FBXL13: variants seen among roughly 807,000 people sequenced by gnomAD.
FBXL13 encodes F-box and leucine rich repeat protein 13.
In FBXL13, 67 loss-of-function variants were observed where a neutral mutation model predicts 83.6. That is an observed-to-expected ratio of 0.80 (90% confidence interval 0.66 to 0.98). The LOEUF (loss-of-function observed/expected upper bound fraction) is 0.98, where lower values mean the gene tolerates loss of function less well. Among genes scored for constraint, FBXL13 ranks in the 50% least tolerant of loss-of-function variants. The pLI is 0.00. For synonymous variants in FBXL13, 272 were observed against 299.5 expected (o/e 0.91, Z 0.95); for missense variants, 822 against 866.5 (o/e 0.95, Z 0.64).
chr7:103,029,511 G>C, intron 2 of FBXL13, 93 bp from the exon 4 acceptor site: 1 of 632,410 alleles, frequency 1.6e-6, no homozygotes, highest in Non-Finnish European at 2.5e-6. Context: ...AGAGAGCAAT[G>C]GATGCCAAGA....
rs572378055 is a variant in FBXL13 at position 103,005,585 on chromosome 7, T to C, written c.495+19478A>G. Among the ~76,000 whole-genome samples the C allele has an allele frequency of 2.6e-5, 4 of 152,316 alleles. No individual in the cohort carries two copies. In the East Asian group the frequency reaches 7.7e-4, roughly 29 times the overall value. ...AAACTGGTCAATTCCTTTCTTGCTG[T>C]GGGCCCTCTTCCTGATTTGCAGAAA... On this transcript the variant is annotated intron_variant, in intron 6 of 19. Coordinates refer to ENST00000313221, the Ensembl canonical transcript of FBXL13.
chr7:102,942,301 T>C (rs1821611169), intron 8 of FBXL13: 1 of 1,599,718 alleles, frequency 6.3e-7, no homozygotes. Flanking sequence ...GTCTTTGAGA[T>C]GAAACCCTGC....
intron 7 of FBXL13, among the ~76,000 whole-genome samples, chr7:102,967,062 C>T (rs1275733935): frequency 2.6e-5 from 4 of 152,020 alleles, no homozygotes; most frequent in African/African-American, 4.8e-5. Flanking sequence ...CTCCACCTCC[C>T]GGGTTCAAGC....
intron 11 of FBXL13, among the ~76,000 whole-genome samples, chr7:102,888,518 G>A (rs1442595957): frequency 6.6e-6 from 1 of 152,232 alleles, no homozygotes. Flanking sequence ...CTGGGCAACA[G>A]AGCGAGACTC....
intron 17 of FBXL13, among the ~76,000 whole-genome samples, chr7:102,841,537 A>G (rs1040736022): frequency 2.0e-5 from 3 of 152,196 alleles, no homozygotes; most frequent in Non-Finnish European, 2.9e-5. Flanking sequence ...TTCGGCCAAG[A>G]AAACACAGTA....
At chr7:102,945,862 G>A (rs984012267) in intron 8 of FBXL13, among the ~76,000 whole-genome samples, 1 of 152,068 alleles carries the variant, frequency 6.6e-6, no homozygotes, top group Non-Finnish European at 1.5e-5. Flanking sequence ...CATGGAAGAT[G>A]GTATATAACA....
intron 18 of FBXL13, among the ~76,000 whole-genome samples, chr7:102,829,782 G>T (rs1800333799): frequency 6.6e-6 from 1 of 152,154 alleles, no homozygotes; most frequent in Non-Finnish European, 1.5e-5. Context: ...TTCACCTGTG[G>T]ACTTTTGGGA....
intron 10 of FBXL13, among the ~76,000 whole-genome samples, chr7:102,918,917 T>C (rs1008940461): frequency 2.0e-5 from 3 of 152,184 alleles, no homozygotes; most frequent in African/African-American, 7.2e-5. Flanking sequence ...TACACACATA[T>C]ACACACACAC....
intron 6 of FBXL13, among the ~76,000 whole-genome samples, chr7:102,999,888 T>C (rs999884788): frequency 3.3e-5 from 5 of 152,182 alleles, no homozygotes; most frequent in African/African-American, 1.2e-4. Flanking sequence ...CAGTCTTAAT[T>C]TATTTCTGCC....
intron 11 of FBXL13, among the ~76,000 whole-genome samples, chr7:102,898,183 CATAT>C (rs141630061): frequency 6.6e-6 from 1 of 151,990 alleles, no homozygotes; most frequent in Admixed American, 6.6e-5. Context: ...CACACACATA[CATAT>C]ATATGTGTAT....
chr7:102,963,460 C>G, intron 8 of FBXL13, 73 bp downstream of exon 9: 6 of 1,559,464 alleles, frequency 3.8e-6, no homozygotes, highest in East Asian at 4.5e-5. Flanking sequence ...CCTTTTTAAT[C>G]TATGCTTTTC....
chr7:102,835,884 C>T (rs967788048), intron 17 of FBXL13, among the ~76,000 whole-genome samples: 1 of 152,134 alleles, frequency 6.6e-6, no homozygotes, highest in Non-Finnish European at 1.5e-5. Context: ...GCTGGGATTA[C>T]AGGCGTGAGC....
At chr7:102,927,708 A>G (rs1818392425) in intron 9 of FBXL13, among the ~76,000 whole-genome samples, 1 of 152,178 alleles carries the variant, frequency 6.6e-6, no homozygotes, top group African/African-American at 2.4e-5. Flanking sequence ...CTTTTGATAA[A>G]CACTACTCTT....
At chr7:103,055,295 C>G in intron 2 of FBXL13, 117 bp from the exon 3 acceptor site, 1 of 509,422 alleles carries the variant, frequency 2.0e-6, no homozygotes, top group East Asian at 7.9e-5. Context: ...ACACATTTCC[C>G]CTTAGGAGAA....
intron 16 of FBXL13, among the ~76,000 whole-genome samples, chr7:102,863,793 T>C (rs1439313784): frequency 6.6e-6 from 1 of 152,126 alleles, no homozygotes; most frequent in Admixed American, 6.5e-5. Context: ...CTCTCCTAGG[T>C]TCTTTTCCTG....
chr7:103,056,065 T>A (rs1046592050), intron 1 of FBXL13, among the ~76,000 whole-genome samples: 1 of 152,146 alleles, frequency 6.6e-6, no homozygotes, highest in Admixed American at 6.5e-5. Flanking sequence ...TGCATCCTCA[T>A]AGTTTAGCTC....
chr7:103,061,551 C>T (rs1337406677), intron 1 of FBXL13, among the ~76,000 whole-genome samples: 1 of 152,146 alleles, frequency 6.6e-6, no homozygotes, highest in Non-Finnish European at 1.5e-5. Flanking sequence ...TCCAGCTCCT[C>T]CTCTCCTAAA....
chr7:103,038,944 G>A (rs1388754071), intron 2 of FBXL13, among the ~76,000 whole-genome samples: 2 of 152,186 alleles, frequency 1.3e-5, no homozygotes, highest in Admixed American at 6.5e-5. Context: ...TCGCCAGCAA[G>A]GGGACAAAAC....
chr7:102,924,530 T>C (rs1817683050), intron 10 of FBXL13, among the ~76,000 whole-genome samples: 1 of 151,776 alleles, frequency 6.6e-6, no homozygotes, highest in Non-Finnish European at 1.5e-5. Context: ...GCTTAATTAG[T>C]GGGATAAATA....
Sources: allele counts gnomAD v4.1 joint callset (sites outside exome capture counted in the v4.1 genomes callset), GRCh38; gene constraint gnomAD v4.1.1; transcripts MANE v1.5; gene names NCBI Gene and HGNC (gene_info 2026-07-23, HGNC 2026-07-21).